The following CYP3A4 variants were observed in gnomAD, a reference collection of about 807,000 sequenced individuals.
The protein encoded by CYP3A4 is cytochrome P450 3A4.
In CYP3A4, 41 loss-of-function variants were observed where a neutral mutation model predicts 54.9. The ratio of observed to expected loss-of-function variants is 0.75; its 90% confidence interval spans 0.58 to 0.97. The LOEUF is 0.97. Among genes scored for constraint, CYP3A4 ranks in the 50% least tolerant of loss-of-function variants. The pLI, the probability that CYP3A4 is intolerant of heterozygous loss-of-function variation, is 0.00. For missense variants in CYP3A4, 510 were observed against 597.3 expected, an observed-to-expected ratio of 0.85 and a Z score of 1.52; for synonymous variants, 179 against 205.2, an observed-to-expected ratio of 0.87 and a Z score of 1.09.
chr7:99,762,003 C>A (rs1255043847), intron 11 of CYP3A4, 38 bp downstream of exon 11: 18 of 1,576,524 alleles, frequency 1.1e-5, no homozygotes, highest in Non-Finnish European at 1.6e-5. Flanking sequence ...TTGAACCAGG[C>A]TGGTTCAGGG....
At chr7:99,766,293 T>A (rs1297226977) in intron 9 of CYP3A4, 84 bp downstream of exon 9, 2 of 1,510,872 alleles carry the variant, frequency 1.3e-6, no homozygotes, top group African/African-American at 2.8e-5. Context: ...ATTCTCATCA[T>A]CCTGGAATAC....
At chr7:99,765,788 C>T (rs188303854) in intron 9 of CYP3A4, among the ~76,000 whole-genome samples, 4 of 152,258 alleles carry the variant, frequency 2.6e-5, no homozygotes, top group African/African-American at 9.6e-5. Context: ...AGGATATTTA[C>T]ACGGTCTCAG....
chr7:99,779,168 T>C (rs1815850409), intron 2 of CYP3A4, among the ~76,000 whole-genome samples: 1 of 152,284 alleles, frequency 6.6e-6, no homozygotes, highest in Non-Finnish European at 1.5e-5. Context: ...AATTAAATAT[T>C]TAATAATTTC....
At position 99,778,028 on chromosome 7, in the gene CYP3A4, C is replaced by T; in HGVS notation, c.218G>A (p.Gly73Asp). The change falls in exon 3 of 13, where the codon GGC (glycine) becomes GAC (aspartate). Residue 73 changes from glycine to aspartate, a missense_variant and splice_region_variant. Physicochemically the swap from Gly to Asp is moderately conservative, Grantham distance 94. Coordinates refer to ENST00000651514, the MANE Select transcript of CYP3A4 (RefSeq NM_017460.6). The stretch of plus-strand genomic sequence containing the variant: ...CAATGGAAGTTTCCAGAATACTCAC[C>T]CCCACACTTTTCCATACTTTTTATG... ...ECHKKYGKVWGFYDGQQPVLA... is the reference protein window; with the variant it reads ...ECHKKYGKVWDFYDGQQPVLA... 1 of 1,612,300 alleles carries T rather than the reference C, an allele frequency of 6.2e-7. No individual in the cohort carries two copies. The highest frequency in any genetic ancestry group is 8.5e-7 in the Non-Finnish European group (1 of 1,178,544).
At chr7:99,764,700 C>T (rs1233904938) in intron 9 of CYP3A4, among the ~76,000 whole-genome samples, 4 of 152,142 alleles carry the variant, frequency 2.6e-5, no homozygotes, top group East Asian at 3.8e-4. Flanking sequence ...TTGAGAAGCA[C>T]GGATTATATC....
chr7:99,763,794 G>A, intron 10 of CYP3A4, 61 bp downstream of exon 10: 12 of 1,596,426 alleles, frequency 7.5e-6, no homozygotes, highest in African/African-American at 2.7e-5. Context: ...GGGAAGTGGT[G>A]AGGAGGCATT....
intron 8 of CYP3A4, 198 bp from the exon 9 acceptor site, chr7:99,766,641 C>G: frequency 1.5e-6 from 1 of 668,484 alleles, no homozygotes; most frequent in Non-Finnish European, 2.5e-6. Flanking sequence ...TGAAACAAAT[C>G]TGGCTATCAT....
chr7:99,774,441 A>C (rs1196535450), intron 3 of CYP3A4, among the ~76,000 whole-genome samples: 2 of 152,244 alleles, frequency 1.3e-5, no homozygotes, highest in Non-Finnish European at 2.9e-5. Context: ...GAAAATCCTC[A>C]ATAAAATACT....
At position 99,762,206 on chromosome 7, in the gene CYP3A4, G is replaced by A. The variant is rs67784355; in HGVS notation, c.1088C>T (p.Thr363Met). The stretch of plus-strand genomic sequence containing the variant: ...CATAGCAATTGGGAATAATCTGAGC[G>A]TTTCATTCACCACCATGTCAAGATA... ...MEYLDMVVNE[T>M]LRLFPIAMRL... The change falls in exon 11 of 13, where the codon ACG becomes ATG. Residue 363 changes from threonine (T) to methionine (M), a missense_variant. Physicochemically the swap from Thr to Met is moderately conservative, Grantham distance 81. Coordinates refer to ENST00000651514, the MANE Select transcript of CYP3A4 (RefSeq NM_017460.6). 2.4e-4 allele frequency: 393 copies of A among 1,614,032 alleles called. No individual in the cohort carries two copies. The highest frequency in any genetic ancestry group is 6.6e-4 in the Middle Eastern group (4 of 6,060).
intron 2 of CYP3A4, among the ~76,000 whole-genome samples, chr7:99,779,037 C>A (rs1815847276): frequency 6.6e-6 from 1 of 152,206 alleles, no homozygotes; most frequent in South Asian, 2.1e-4. Flanking sequence ...GCCATGTGGA[C>A]ATGGGCTCCT....
At chr7:99,772,531 G>GA in intron 4 of CYP3A4, 59 bp downstream of exon 4, 1 of 1,599,310 alleles carries the variant, frequency 6.3e-7, no homozygotes, top group Non-Finnish European at 8.5e-7. Context: ...GAATATATAA[G>GA]AATTTCAAAA....
chr7:99,765,404 TGATA>T (rs1014944232), intron 9 of CYP3A4, among the ~76,000 whole-genome samples: 12 of 152,130 alleles, frequency 7.9e-5, no homozygotes, highest in South Asian at 2.1e-4. Context: ...AATAGTTAGA[TGATA>T]GATAGATAAT....
chr7:99,782,427 T>C (rs1304549554), intron 1 of CYP3A4, among the ~76,000 whole-genome samples: 1 of 152,152 alleles, frequency 6.6e-6, no homozygotes, highest in East Asian at 1.9e-4. Context: ...AGGAGGGCAT[T>C]GTCTGCACTA....
chr7:99,775,421 A>T (rs1425270130), intron 3 of CYP3A4, among the ~76,000 whole-genome samples: 1 of 152,218 alleles, frequency 6.6e-6, no homozygotes, highest in East Asian at 1.9e-4. Flanking sequence ...TGGAGGCATC[A>T]CGCTACCTGA....
In CYP3A4 at chr7:99,767,115, TACC is replaced by T. The variant is rs1485724878; in HGVS notation, c.798+13_798+15del. ...GAAAAACTAAACATCCTCCTATAAC[TACC>T]ACCACATTTTACCTTTTGTGTATCT... On this transcript the variant is annotated intron_variant, in intron 8 of 12. Coordinates refer to ENST00000651514, the MANE Select transcript of CYP3A4 (RefSeq NM_017460.6). 3.7e-6 allele frequency: 6 copies of T among 1,606,348 alleles called. No homozygotes were observed. The highest frequency in any genetic ancestry group is 5.1e-6 in the Non-Finnish European group (6 of 1,176,556).
At chr7:99,758,339 A>G (rs1219873416) in intron 12 of CYP3A4, 111 bp from the exon 13 acceptor site, 16 of 1,286,026 alleles carry the variant, frequency 1.2e-5, no homozygotes. Context: ...CAACAGAGTG[A>G]TATTCTGATC....
rs369797181 is a variant in CYP3A4, at chr7:99,767,183, A to T, written c.746T>A (p.Leu249Ter). The T allele has an allele frequency of 2.5e-5, 41 of 1,612,084 alleles. No individual in the cohort carries two copies. Among genetic ancestry groups the T allele is most frequent in the Admixed American group, 6.7e-5 (4 of 59,838 alleles). ...CVFPREVTNF[L>*]RKSVKRMKES... ...TTTCATCCTTTTTACAGATTTTCTT[A>T]AAAAATTTGTAACTTCTCTTGGAAA... is the stretch of plus-strand genomic sequence containing the variant. Residue 249 changes from leucine to a stop codon, truncating the protein, a stop_gained, in exon 8 of 13, where the codon TTA becomes TAA. Coordinates refer to ENST00000651514, the MANE Select transcript of CYP3A4 (RefSeq NM_017460.6). LOFTEE classifies it high-confidence loss of function.
intron 4 of CYP3A4, 48 bp from the exon 5 acceptor site, chr7:99,770,283 C>G (rs1459389329): frequency 6.6e-7 from 1 of 1,506,786 alleles, no homozygotes; most frequent in Admixed American, 1.7e-5. Context: ...TTGTGGAGGT[C>G]TCCATGGTTG....
In CYP3A4 at chr7:99,768,339, T is replaced by C; in HGVS notation, c.670+15A>G. ...AGAGAGCAAGATAAATAAAAGGAAATAGTAGTCCACATACTTATTGAGAGA... is the reference window on the plus strand; with the variant it reads ...AGAGAGCAAGATAAATAAAAGGAAACAGTAGTCCACATACTTATTGAGAGA... On this transcript the variant is annotated intron_variant, in intron 7 of 12. Transcript: ENST00000651514. 6.2e-7 allele frequency: 1 copy of C among 1,610,362 alleles called. No individual in the cohort carries two copies. The highest frequency in any genetic ancestry group is 8.5e-7 in the Non-Finnish European group (1 of 1,176,888).
Sources: allele counts gnomAD v4.1 joint callset (sites outside exome capture counted in the v4.1 genomes callset), GRCh38; gene constraint gnomAD v4.1.1; transcripts MANE v1.5; gene names NCBI Gene and HGNC (gene_info 2026-07-23, HGNC 2026-07-21).